Variants in YAF2 observed in about 807,000 individuals in gnomAD.
The protein encoded by YAF2 is YY1 associated factor 2.
YAF2 carries 7 observed loss-of-function variants against 20.1 expected under a neutral mutation model. That is an observed-to-expected ratio of 0.35 (90% CI 0.20 to 0.65). YAF2 has a LOEUF of 0.65. YAF2 is among the 30% of genes least tolerant of loss of function. YAF2 has a pLI of 0.69. For synonymous variants in YAF2, 74 were observed against 76.0 expected, an observed-to-expected ratio of 0.97 and a Z score of 0.14; for missense variants, 151 against 219.2, an observed-to-expected ratio of 0.69 and a Z score of 1.96.
chr12:42,190,104 A>C (rs1229878671), intron 2 of YAF2, among the ~76,000 whole-genome samples: 21 of 152,206 alleles, frequency 1.4e-4, no homozygotes, highest in Admixed American at 1.4e-3. Flanking sequence ...GCACTTTGAG[A>C]GGCTAAGGCC....
chr12:42,161,986 T>A (rs2065809181), intron 2 of YAF2, among the ~76,000 whole-genome samples: 1 of 152,140 alleles, frequency 6.6e-6, no homozygotes, highest in South Asian at 2.1e-4. Flanking sequence ...AAATTTATAG[T>A]CTAAGATATA....
chr12:42,200,431 CACT>C (rs1465022378), intron 2 of YAF2, among the ~76,000 whole-genome samples: 1 of 152,154 alleles, frequency 6.6e-6, no homozygotes, highest in Non-Finnish European at 1.5e-5. Flanking sequence ...TCTGCTGCTC[CACT>C]ACATCAGAAC....
chr12:42,237,896 G>A, intron 1 of YAF2, 172 bp from the exon 2 acceptor site: 3 of 600,504 alleles, frequency 5.0e-6, no homozygotes, highest in South Asian at 7.4e-5. Flanking sequence ...TCAGGAAGAG[G>A]CAGGGCGCGA....
chr12:42,160,696 C>G lies in YAF2; in HGVS notation c.436G>C (p.Asp146His). 1 of 1,613,810 alleles carries G rather than the reference C, an allele frequency of 6.2e-7. No individual in the cohort carries two copies. Among genetic ancestry groups the G allele is most frequent in the East Asian group, 2.2e-5 (1 of 44,868 alleles). Residue 146 changes from aspartate to histidine, a missense_variant, in exon 4 of 4, where the codon GAT becomes CAT. Physicochemically the swap from Asp to His is moderately conservative, Grantham distance 81. Around this residue, in one of 3 missense-constraint regions of YAF2, gnomAD observed 51 missense variants for 48.9 expected, o/e 1.04. Transcript: ENST00000534854. ...CTAGAGCCGCTTTGACTGTGTTGAT[C>G]TGCAGAAGCAGCACTAGATGCAGGC... ...SPPASSAASA[D>H]QHSQSGSSSD...
At chr12:42,211,461 G>A (rs987480047) in intron 2 of YAF2, among the ~76,000 whole-genome samples, 3 of 148,208 alleles carry the variant, frequency 2.0e-5, no homozygotes, top group Non-Finnish European at 4.5e-5. Context: ...AGTCATCCAG[G>A]CACAGTGGCT....
At chr12:42,227,965 G>A (rs1482689187) in intron 2 of YAF2, among the ~76,000 whole-genome samples, 1 of 145,870 alleles carries the variant, frequency 6.9e-6, no homozygotes, top group Non-Finnish European at 1.5e-5. Flanking sequence ...CTGTCCGGGA[G>A]GGAGGTGGGG....
At chr12:42,174,938 A>G (rs2066142182) in intron 2 of YAF2, among the ~76,000 whole-genome samples, 1 of 152,232 alleles carries the variant, frequency 6.6e-6, no homozygotes, top group Admixed American at 6.5e-5. Context: ...TATGCATCAA[A>G]GTTTTCCTCA....
At chr12:42,224,835 A>G (rs1191969767) in intron 2 of YAF2, among the ~76,000 whole-genome samples, 1 of 152,224 alleles carries the variant, frequency 6.6e-6, no homozygotes, top group East Asian at 1.9e-4. Context: ...TGCAATAAAC[A>G]TACGTGTGCA....
At chr12:42,163,709 A>C (rs984434979) in intron 2 of YAF2, among the ~76,000 whole-genome samples, 10 of 152,362 alleles carry the variant, frequency 6.6e-5, no homozygotes, top group African/African-American at 1.9e-4. Flanking sequence ...GAGAGAAAAG[A>C]AGCACAAAAC....
chr12:42,232,536 G>A lies in YAF2; in HGVS notation c.152+5063C>T, dbSNP rs554200275. On this transcript the variant is annotated intron_variant, in intron 2 of 3. Coordinates refer to ENST00000534854, the MANE Select transcript of YAF2 (RefSeq NM_005748.6). ...CAAGTAAGAAATCTCCTAGAATAAGGAGTCTCTGAACAACTAAATGGTTGC... is the reference window on the plus strand; with the variant it reads ...CAAGTAAGAAATCTCCTAGAATAAGAAGTCTCTGAACAACTAAATGGTTGC... 14 of 985,234 alleles carry A rather than the reference G, an allele frequency of 1.4e-5. No homozygotes were observed. The South Asian group carries it at 3.3e-4, about 23-fold the overall frequency. 61.0% of individuals were successfully genotyped at this position (985,234 alleles called of 1,614,324 possible). A position where few individuals can be genotyped will look rare whatever the true frequency, so the allele number is the denominator to read the frequency against.
intron 2 of YAF2, chr12:42,232,876 C>T: frequency 2.0e-6 from 2 of 985,222 alleles, no homozygotes; most frequent in Non-Finnish European, 2.4e-6. Flanking sequence ...CAGTTATAAA[C>T]AACATATATT....
At chr12:42,237,380 C>T (rs2068200613) in intron 2 of YAF2, 2 of 1,252,522 alleles carry the variant, frequency 1.6e-6, no homozygotes, top group African/African-American at 1.6e-5. Flanking sequence ...TTTATTCTCT[C>T]TTGGCAGCAA....
At chr12:42,232,734 C>T (rs546689929) in intron 2 of YAF2, 7 of 985,344 alleles carry the variant, frequency 7.1e-6, no homozygotes, top group South Asian at 4.7e-5. Context: ...AAGAAAACAA[C>T]GATGCTGAAA....
intron 2 of YAF2, among the ~76,000 whole-genome samples, chr12:42,217,811 A>G (rs960265500): frequency 2.0e-5 from 3 of 152,182 alleles, no homozygotes; most frequent in African/African-American, 7.2e-5. Context: ...AGAATTCTTT[A>G]AGAGTAATTG....
intron 2 of YAF2, among the ~76,000 whole-genome samples, chr12:42,229,527 G>A (rs1378300580): frequency 6.6e-6 from 1 of 151,630 alleles, no homozygotes; most frequent in Non-Finnish European, 1.5e-5. Flanking sequence ...GGGCAGATAA[G>A]TGTCTAGACA....
At chr12:42,205,984 G>T in intron 2 of YAF2, 1 of 286,222 alleles carries the variant, frequency 3.5e-6, no homozygotes, top group Non-Finnish European at 7.1e-6. Flanking sequence ...CTCTGTGTAT[G>T]CTCTCTTCTA....
chr12:42,171,887 C>G (rs1365457438), intron 2 of YAF2, among the ~76,000 whole-genome samples: 1 of 152,060 alleles, frequency 6.6e-6, no homozygotes, highest in African/African-American at 2.4e-5. Flanking sequence ...TCACCTGAAC[C>G]TGGGAGGTTG....
intron 2 of YAF2, among the ~76,000 whole-genome samples, chr12:42,192,905 A>G (rs527252469): frequency 6.6e-6 from 1 of 152,362 alleles, no homozygotes; most frequent in East Asian, 1.9e-4. Flanking sequence ...AAGATAATGA[A>G]GCTGACAAAT....
intron 2 of YAF2, among the ~76,000 whole-genome samples, chr12:42,220,774 T>C (rs1006516479): frequency 6.6e-6 from 1 of 152,208 alleles, no homozygotes; most frequent in African/African-American, 2.4e-5. Flanking sequence ...AATTGTTTAA[T>C]TCATATGTCT....
Sources: allele counts gnomAD v4.1 joint callset (sites outside exome capture counted in the v4.1 genomes callset), GRCh38; gene constraint gnomAD v4.1.1; regional missense constraint gnomAD v4.1.1; transcripts MANE v1.5; gene names NCBI Gene and HGNC (gene_info 2026-07-23, HGNC 2026-07-21).